Variants in ARHGAP23 observed in about 807,000 individuals in gnomAD.
ARHGAP23 encodes the protein rho GTPase-activating protein 23.
In ARHGAP23, 34 loss-of-function variants were observed where a neutral mutation model predicts 136.3. The observed-to-expected ratio is 0.25, with a 90% CI of 0.19 to 0.33. The LOEUF (loss-of-function observed/expected upper bound fraction) is 0.33. Among genes scored for constraint, ARHGAP23 ranks in the 10% least tolerant of loss-of-function variants. The probability of loss-of-function intolerance (pLI) is 1.00; values close to 1 mark genes in which losing one functional copy is unlikely to be tolerated. For synonymous variants in ARHGAP23, 832 were observed against 920.5 expected, an observed-to-expected ratio of 0.90 and a Z score of 1.74; for missense variants, 1,808 against 2,139.0, an observed-to-expected ratio of 0.85 and a Z score of 3.05.
intron 22 of ARHGAP23, 172 bp from the exon 23 acceptor site, chr17:38,500,425 C>G: frequency 1.7e-6 from 1 of 605,202 alleles, no homozygotes; most frequent in East Asian, 2.8e-5. Context: ...CTCCATCCCT[C>G]TCCCATAGAT....
At chr17:38,419,580 T>TCACACACACA (rs60358190) in intron 1 of ARHGAP23, among the ~76,000 whole-genome samples, 80 of 143,164 alleles carry the variant, frequency 5.6e-4, no homozygotes, top group African/African-American at 1.6e-3. Flanking sequence ...GACACAGAGC[T>TCACACACACA]CACACACACA....
rs1288047142 is a variant in ARHGAP23 at position 38,510,178 on chromosome 17, C to A, written c.3682C>A (p.Arg1228Ser). The A allele has an allele frequency of 2.1e-5, 28 of 1,314,392 alleles. No individual in the cohort carries two copies. Among genetic ancestry groups the A allele is most frequent in the Non-Finnish European group, 2.3e-5 (24 of 1,039,042 alleles). 81.4% of individuals were successfully genotyped at this position (1,314,392 alleles called of 1,614,324 possible). Residue 1228 changes from arginine (R) to serine (S), a missense_variant, in exon 24 of 24, where the codon CGC (arginine) becomes AGC (serine). Arg to Ser is a moderately radical substitution (Grantham distance 110). This residue lies in a region of ARHGAP23 where 506 missense variants were observed against 455.8 expected (regional missense o/e 1.11). Coordinates refer to ENST00000622683, the MANE Select transcript of ARHGAP23 (RefSeq NM_001199417.2). The surrounding 1 kb of genome is among the most constrained non-coding windows in gnomAD (Gnocchi z 4.6). ...PGAVAPEAPG[R>S]LSPPAAPEER... ...CGCCGTCGCCCCCGAGGCCCCCGGA[C>A]GCCTCAGTCCCCCGGCGGCGCCGGA...
intron 1 of ARHGAP23, among the ~76,000 whole-genome samples, chr17:38,423,248 C>T (rs1251008724): frequency 6.6e-6 from 1 of 151,646 alleles, no homozygotes; most frequent in Non-Finnish European, 1.5e-5. Context: ...GCTGGAGTGC[C>T]GCGGCATGAT....
chr17:38,508,155 G>C (rs1459911113), intron 23 of ARHGAP23, among the ~76,000 whole-genome samples: 1 of 152,230 alleles, frequency 6.6e-6, no homozygotes, highest in Non-Finnish European at 1.5e-5. Context: ...GCTGATGTGA[G>C]AAGAGCTAGG....
chr17:38,449,657 G>A (rs2039115857), intron 1 of ARHGAP23, among the ~76,000 whole-genome samples: 2 of 152,178 alleles, frequency 1.3e-5, no homozygotes, highest in African/African-American at 4.8e-5. Context: ...GCACGGATCT[G>A]TGGTGGGATT....
At chr17:38,430,042 T>C (rs1313069575) in intron 1 of ARHGAP23, among the ~76,000 whole-genome samples, 1 of 152,144 alleles carries the variant, frequency 6.6e-6, no homozygotes, top group Non-Finnish European at 1.5e-5. Flanking sequence ...TGTGGTTGGG[T>C]CCACCCCAAG....
intron 1 of ARHGAP23, among the ~76,000 whole-genome samples, chr17:38,436,177 A>G (rs1336792201): frequency 6.6e-6 from 1 of 152,088 alleles, no homozygotes; most frequent in Non-Finnish European, 1.5e-5. Context: ...GGATGTTTGC[A>G]AGAGGAGAGG....
Position 38,478,049 on chromosome 17 carries a change from CG to C in ARHGAP23, c.2436+157del, listed in dbSNP as rs2039940278. Among the ~76,000 whole-genome samples the C allele has an allele frequency of 2.6e-5, 4 of 152,264 alleles. No homozygotes were observed. The South Asian group carries it at 8.3e-4, about 32-fold the overall frequency. ...CTCGTGATTGTGTCCCCCAAGGTTTCGGGGTGAGGAGGGTGCACAGGCAGGG... is the reference window on the plus strand; with the variant it reads ...CTCGTGATTGTGTCCCCCAAGGTTTCGGGTGAGGAGGGTGCACAGGCAGGG... On this transcript the variant is annotated intron_variant, in intron 12 of 23. Transcript: ENST00000622683.
intron 1 of ARHGAP23, among the ~76,000 whole-genome samples, chr17:38,432,679 T>TAA (rs553428308): frequency 4.2e-5 from 6 of 142,868 alleles, no homozygotes; most frequent in Middle Eastern, 3.6e-3. Flanking sequence ...AATGTAGTCT[T>TAA]AAAAAAAAAA....
intron 23 of ARHGAP23, among the ~76,000 whole-genome samples, chr17:38,503,125 C>G (rs191499678): frequency 6.6e-6 from 1 of 152,080 alleles, no homozygotes; most frequent in African/African-American, 2.4e-5. Context: ...AGGTGAGAGA[C>G]AGAGAGAGAG....
At chr17:38,503,744 C>A (rs987616410) in intron 23 of ARHGAP23, among the ~76,000 whole-genome samples, 1 of 152,186 alleles carries the variant, frequency 6.6e-6, no homozygotes, top group Non-Finnish European at 1.5e-5. Flanking sequence ...CCTGGGAACT[C>A]CTGCAGGAGG....
intron 1 of ARHGAP23, among the ~76,000 whole-genome samples, chr17:38,432,071 C>T (rs1181387938): frequency 1.3e-5 from 2 of 152,176 alleles, no homozygotes; most frequent in East Asian, 1.9e-4. Context: ...CCTGTGGCCC[C>T]CCAGGGCGCC....
intron 13 of ARHGAP23, 85 bp downstream of exon 13, chr17:38,479,582 A>G: frequency 6.8e-7 from 1 of 1,471,154 alleles, no homozygotes; most frequent in East Asian, 2.5e-5. Flanking sequence ...GCCCACCTCC[A>G]GGGCTGCCCT....
intron 1 of ARHGAP23, 140 bp downstream of exon 1, chr17:38,428,688 G>A: frequency 9.7e-6 from 5 of 514,598 alleles, no homozygotes; most frequent in Non-Finnish European, 1.5e-5. Context: ...CACCGCTGCG[G>A]GGAGATTCAG....
At chr17:38,504,707 G>C (rs558785699) in intron 23 of ARHGAP23, among the ~76,000 whole-genome samples, 5 of 152,294 alleles carry the variant, frequency 3.3e-5, no homozygotes, top group Admixed American at 2.0e-4. Context: ...TGGGTCTCTA[G>C]GGAGGATTCG....
chr17:38,480,581 C>T (rs895500171), intron 14 of ARHGAP23, among the ~76,000 whole-genome samples: 1 of 151,806 alleles, frequency 6.6e-6, no homozygotes, highest in Non-Finnish European at 1.5e-5. Context: ...TTGCATTGAG[C>T]CAAGATCGCG....
upstream of ARHGAP23, among the ~76,000 whole-genome samples, chr17:38,423,531 C>T (rs537698279): frequency 8.0e-4 from 122 of 152,206 alleles, no homozygotes; most frequent in African/African-American, 2.8e-3. Flanking sequence ...ACCACCACGC[C>T]TGGCTAAGTT....
At chr17:38,452,896 C>T (rs12942139) in intron 1 of ARHGAP23, among the ~76,000 whole-genome samples, 19,324 of 152,192 alleles carry the variant, frequency 0.13, 1,406 homozygotes, top group Middle Eastern at 0.26. Context: ...TGTAGTGACC[C>T]TCTAGGTAGA....
chr17:38,434,308 C>A (rs1424473889), intron 1 of ARHGAP23, among the ~76,000 whole-genome samples: 1 of 152,226 alleles, frequency 6.6e-6, no homozygotes, highest in African/African-American at 2.4e-5. Flanking sequence ...ACTTCTTATG[C>A]CCAGTGCATT....
Sources: allele counts gnomAD v4.1 joint callset (sites outside exome capture counted in the v4.1 genomes callset), GRCh38; gene constraint gnomAD v4.1.1; regional missense constraint gnomAD v4.1.1; non-coding constraint Gnocchi (gnomAD v3.1); transcripts MANE v1.5; gene names NCBI Gene and HGNC (gene_info 2026-07-23, HGNC 2026-07-21).